The following CROCC variants were observed in gnomAD, a reference collection of about 807,000 sequenced individuals.
CROCC encodes rootletin.
CROCC carries 180 observed loss-of-function variants against 245.2 expected under a neutral mutation model. The ratio of observed to expected loss-of-function variants is 0.73; its 90% confidence interval spans 0.65 to 0.83. The LOEUF (loss-of-function observed/expected upper bound fraction) is 0.83. Among genes scored for constraint, CROCC ranks in the 40% least tolerant of loss-of-function variants. CROCC has a pLI of 0.00. For synonymous variants in CROCC, 1,205 were observed against 1,241.6 expected (o/e 0.97, Z 0.62); for missense variants, 2,688 against 2,779.4 (o/e 0.97, Z 0.74).
At chr1:16,963,826 C>T (rs143096713) in intron 27 of CROCC, among the ~76,000 whole-genome samples, 12 of 152,020 alleles carry the variant, frequency 7.9e-5, no homozygotes, top group African/African-American at 2.7e-4. Flanking sequence ...GCCCAAGTCT[C>T]GCTCTATTGC....
chr1:16,958,907 C>CAAAG (rs1195208737), intron 26 of CROCC, among the ~76,000 whole-genome samples, 157 bp downstream of exon 26: 5 of 152,186 alleles, frequency 3.3e-5, no homozygotes, highest in Non-Finnish European at 7.4e-5. Flanking sequence ...AACAACAACC[C>CAAAG]AAAGAACAGT....
intron 14 of CROCC, among the ~76,000 whole-genome samples, chr1:16,944,937 G>C (rs2076013036): frequency 6.6e-6 from 1 of 152,260 alleles, no homozygotes; most frequent in Non-Finnish European, 1.5e-5. Flanking sequence ...TGTGAAGTTT[G>C]TATCCTTAAA....
intron 25 of CROCC, among the ~76,000 whole-genome samples, chr1:16,958,338 A>G (rs1435189839): frequency 6.6e-6 from 1 of 152,172 alleles, no homozygotes; most frequent in Admixed American, 6.5e-5. Flanking sequence ...CCCTCCTTCT[A>G]TTATACCCAC....
chr1:16,923,129 G>A lies in CROCC; in HGVS notation c.196+331G>A, dbSNP rs2075447046. ...TGGCTGAACCCAAGATACAGGAAGA[G>A]GGCAGCTCAGCTCAGACCAGGGTTT... On this transcript the variant is annotated intron_variant, in intron 2 of 36. Coordinates refer to ENST00000375541, the MANE Select transcript of CROCC (RefSeq NM_014675.5). 2.0e-5 allele frequency among the ~76,000 whole-genome samples: 3 copies of A among 152,280 alleles called. No homozygotes were observed. In the South Asian group the frequency reaches 6.2e-4, roughly 32 times the overall value.
At chr1:16,934,594 T>C (rs1488536251) in intron 8 of CROCC, among the ~76,000 whole-genome samples, 3 of 152,272 alleles carry the variant, frequency 2.0e-5, no homozygotes, top group Admixed American at 6.5e-5. Context: ...TGGCCCACCA[T>C]GCCTGGCCTT....
chr1:16,919,063 G>A (rs2075350159), upstream of CROCC, among the ~76,000 whole-genome samples: 1 of 152,290 alleles, frequency 6.6e-6, no homozygotes, highest in South Asian at 2.1e-4. Context: ...GCCCAAATCT[G>A]GCTTGCTTGC....
At chr1:16,946,637 G>A (rs183582181) in intron 16 of CROCC, 124 bp from the exon 17 acceptor site, 8 of 1,170,444 alleles carry the variant, frequency 6.8e-6, no homozygotes, top group Non-Finnish European at 7.3e-6. Flanking sequence ...ACACCCAAGG[G>A]CACTGTCCCT....
In CROCC at chr1:16,947,468, C is replaced by CAATAATAATAATAAT. The variant is rs71006403; in HGVS notation, c.2514+496_2514+510dup. Among the ~76,000 whole-genome samples, 1,302 of 147,034 alleles carry CAATAATAATAATAAT rather than the reference C, an allele frequency of 8.9e-3. 5 individuals carry two copies. Among genetic ancestry groups the CAATAATAATAATAAT allele is most frequent in the South Asian group, 0.01 (46 of 4,582 alleles). ...TGGGCAACAGAGCAAGACTCCGTCTCAATAATAATAATAATAATAATAATA... is the reference window on the plus strand; with the variant it reads ...TGGGCAACAGAGCAAGACTCCGTCTCAATAATAATAATAATAATAATAATAATAATAATAATAATA... On this transcript the variant is annotated intron_variant, in intron 17 of 36. Coordinates refer to ENST00000375541, the MANE Select transcript of CROCC (RefSeq NM_014675.5).
upstream of CROCC, among the ~76,000 whole-genome samples, chr1:16,918,016 C>G (rs1206109983): frequency 8.9e-6 from 1 of 111,894 alleles, no homozygotes; most frequent in Non-Finnish European, 1.8e-5. Context: ...TGGCTTTTAG[C>G]CATATTCCTA....
chr1:16,956,216 C>A (rs2076248935), intron 25 of CROCC, 60 bp downstream of exon 25: 1 of 1,443,214 alleles, frequency 6.9e-7, no homozygotes, highest in Non-Finnish European at 9.2e-7. Flanking sequence ...GCCAATAGCT[C>A]CCCCTTTCTG....
chr1:16,914,961 A>C (rs975387305), intron 1 of CROCC, among the ~76,000 whole-genome samples: 1 of 152,254 alleles, frequency 6.6e-6, no homozygotes, highest in African/African-American at 2.4e-5. Context: ...GCAGGTGCTT[A>C]ATAAACAGAT....
At chr1:16,937,827 T>TCA (rs1240388291) in intron 10 of CROCC, 90 bp downstream of exon 10, 2 of 1,185,072 alleles carry the variant, frequency 1.7e-6, no homozygotes, top group African/African-American at 3.0e-5. Flanking sequence ...GCTGCCTGGG[T>TCA]CACCCCCAGC....
chr1:16,955,573 G>A lies in CROCC; in HGVS notation c.3704+23G>A, dbSNP rs369249674. The A allele has an allele frequency of 2.0e-6, 3 of 1,481,018 alleles. No homozygotes were observed. In the African/African-American group the frequency reaches 4.2e-5, roughly 21 times the overall value. 91.7% of individuals were successfully genotyped at this position (1,481,018 alleles called of 1,614,324 possible). A position where few individuals can be genotyped will look rare whatever the true frequency, so the allele number is the denominator to read the frequency against. On this transcript the variant is annotated intron_variant, in intron 24 of 36. Coordinates refer to ENST00000375541, the MANE Select transcript of CROCC (RefSeq NM_014675.5). ...CAGGTGGGGTGTCGCAGGAGGACCA[G>A]TCCTGAGTCCTCATGGGATCCCATC...
Position 16,965,862 on chromosome 1 carries a change from G to C in CROCC, c.4545G>C (p.Leu1515=). 4.3e-6 allele frequency: 7 copies of C among 1,613,582 alleles called. No homozygotes were observed. Among genetic ancestry groups the C allele is most frequent in the Non-Finnish European group, 5.9e-6 (7 of 1,179,990 alleles). ...EAVRGALREF[L]QELRSAQRER... is the part of the protein sequence containing the mutation. The stretch of plus-strand genomic sequence containing the variant: ...TGCGCGGGGCCCTCCGGGAATTCCT[G>C]CAAGAGCTGCGGAGTGCCCAGAGAG... Residue 1515 remains leucine, a synonymous_variant, in exon 28 of 37, where the codon CTG becomes CTC. Transcript: ENST00000375541.
Position 16,930,348 on chromosome 1 carries a change from G to T in CROCC, c.683+1G>T. On this transcript the variant is annotated splice_donor_variant, in intron 6 of 36. Coordinates refer to ENST00000375541, the MANE Select transcript of CROCC (RefSeq NM_014675.5). LOFTEE classifies it high-confidence loss of function. The stretch of plus-strand genomic sequence containing the variant: ...TCCGGCTGGAGGAGGAGCAGCAGAG[G>T]TGAGGGCGCAGCAGGGAGGGCCAGG... 3.7e-6 allele frequency: 6 copies of T among 1,610,740 alleles called. No homozygotes were observed. Among genetic ancestry groups the T allele is most frequent in the Non-Finnish European group, 5.1e-6 (6 of 1,179,416 alleles).
In CROCC at chr1:16,965,736, G is replaced by A; in HGVS notation, c.4419G>A (p.Gly1473=). The change falls in exon 28 of 37, where the codon GGG becomes GGA. Residue 1473 remains glycine (G), a synonymous_variant. Transcript: ENST00000375541. The part of the protein sequence containing the change: ...RDAPAEGSGE[G]LNSPSTLECS... Reference sequence around the variant, plus strand: ...TTTCTCTTCTAGGAAGCGGGGAAGGGCTCAACAGCCCCAGCACCTTAGAAT... The same window carrying A: ...TTTCTCTTCTAGGAAGCGGGGAAGGACTCAACAGCCCCAGCACCTTAGAAT... 6.2e-7 allele frequency: 1 copy of A among 1,611,692 alleles called. No homozygotes were observed. Among genetic ancestry groups the A allele is most frequent in the South Asian group, 1.1e-5 (1 of 91,008 alleles).
intron 30 of CROCC, among the ~76,000 whole-genome samples, chr1:16,967,844 T>C (rs2076444074): frequency 6.6e-6 from 1 of 152,122 alleles, no homozygotes; most frequent in Non-Finnish European, 1.5e-5. Flanking sequence ...GGAATCTGCA[T>C]TTCTACAGCC....
rs747685540 is a variant in CROCC, at chr1:16,930,176, G to A, written c.590G>A (p.Arg197Lys). Residue 197 changes from arginine to lysine, a missense_variant, in exon 5 of 37, where the codon AGA (arginine) becomes AAA (lysine). By Grantham distance (26) the Arg-to-Lys change is conservative (BLOSUM62 2). Coordinates refer to ENST00000375541, the MANE Select transcript of CROCC (RefSeq NM_014675.5). ...GAGCTGGAGCAGCAGCTGCTGGAGA[G>A]ATCCGGAGAGCTGGAGCAGCAGCGG... ...CSELEQQLLE[R>K]SGELEQQRLR... 1.4e-5 allele frequency: 23 copies of A among 1,593,396 alleles called. 1 individual carries two copies. In the South Asian group the frequency reaches 2.6e-4, roughly 18 times the overall value.
chr1:16,957,976 A>G (rs2076273260), intron 25 of CROCC, among the ~76,000 whole-genome samples: 2 of 143,628 alleles, frequency 1.4e-5, no homozygotes, highest in African/African-American at 2.5e-5. Context: ...GCTGTAGCAC[A>G]TGGGGGAGGT....
Sources: gnomAD v4.1 joint callset for allele counts (sites outside exome capture counted in the v4.1 genomes callset) on GRCh38, gnomAD v4.1.1 for gene constraint, MANE v1.5 for transcripts, NCBI Gene and HGNC (gene_info 2026-07-23, HGNC 2026-07-21) for gene names.